The following FRMD5 variants were observed in gnomAD, a reference collection of about 807,000 sequenced individuals.
FRMD5 encodes FERM domain containing 5.
In FRMD5, 20 loss-of-function variants were observed where a neutral mutation model predicts 69.0. The observed-to-expected ratio is 0.29, with a 90% CI of 0.20 to 0.42. The LOEUF (loss-of-function observed/expected upper bound fraction) is 0.42. FRMD5 is among the 10% of genes least tolerant of loss of function. The probability of loss-of-function intolerance (pLI) is 1.00; values close to 1 mark genes in which losing one functional copy is unlikely to be tolerated. For synonymous variants in FRMD5, 271 were observed against 260.1 expected (o/e 1.04, Z -0.40); for missense variants, 595 against 708.6 (o/e 0.84, Z 1.82).
At chr15:43,945,470 T>G (rs1042510733) in intron 1 of FRMD5, among the ~76,000 whole-genome samples, 2 of 152,146 alleles carry the variant, frequency 1.3e-5, no homozygotes, top group African/African-American at 2.4e-5. Context: ...CTGAGGACAT[T>G]TCAATCTTTT....
At chr15:43,957,186 ATTTC>A (rs932278367) in intron 1 of FRMD5, among the ~76,000 whole-genome samples, 3 of 151,962 alleles carry the variant, frequency 2.0e-5, no homozygotes, top group Middle Eastern at 3.4e-3. Flanking sequence ...ATTTGTGATA[ATTTC>A]TTTCTTTCTT....
chr15:44,121,967 C>T (rs931472717), intron 1 of FRMD5, among the ~76,000 whole-genome samples: 3 of 140,018 alleles, frequency 2.1e-5, no homozygotes, highest in African/African-American at 8.3e-5. Flanking sequence ...TGCACTCCAG[C>T]CTGGGTGACA....
chr15:44,145,635 C>A (rs1362841792), intron 1 of FRMD5, among the ~76,000 whole-genome samples: 1 of 152,126 alleles, frequency 6.6e-6, no homozygotes, highest in Non-Finnish European at 1.5e-5. Context: ...AGAAACCTAA[C>A]CTTAGAAGTT....
intron 1 of FRMD5, among the ~76,000 whole-genome samples, chr15:44,010,933 G>C (rs1890689933): frequency 6.6e-6 from 1 of 152,066 alleles, no homozygotes; most frequent in Admixed American, 6.6e-5. Flanking sequence ...CACTGGGCAC[G>C]ATGAGAGAAC....
chr15:44,088,215 C>T (rs1381784452), intron 1 of FRMD5, among the ~76,000 whole-genome samples: 2 of 152,036 alleles, frequency 1.3e-5, no homozygotes, highest in Non-Finnish European at 2.9e-5. Flanking sequence ...AGTGTATTCA[C>T]AGTTATGCAA....
intron 1 of FRMD5, among the ~76,000 whole-genome samples, chr15:44,010,842 T>C (rs1044167121): frequency 2.6e-5 from 4 of 151,976 alleles, no homozygotes; most frequent in Admixed American, 6.6e-5. Flanking sequence ...GCCCTAACTG[T>C]GGGCAGAAGT....
At chr15:43,989,290 A>G in intron 1 of FRMD5, 1 of 785,640 alleles carries the variant, frequency 1.3e-6, no homozygotes. Context: ...GCCGCCAGAT[A>G]GCACTGTGTT....
At chr15:44,081,577 T>C (rs1893997546) in intron 1 of FRMD5, among the ~76,000 whole-genome samples, 1 of 152,136 alleles carries the variant, frequency 6.6e-6, no homozygotes, top group South Asian at 2.1e-4. Context: ...ATTTCACGTT[T>C]ACTGAGATCC....
At chr15:43,876,201 C>T (rs988003190) in intron 13 of FRMD5, 21 of 1,598,656 alleles carry the variant, frequency 1.3e-5, no homozygotes, top group Non-Finnish European at 1.7e-5. Flanking sequence ...GGCTGCACCC[C>T]CTTTCCCCGC....
At chr15:43,912,639 A>G (rs1239990791) in intron 4 of FRMD5, among the ~76,000 whole-genome samples, 1 of 152,026 alleles carries the variant, frequency 6.6e-6, no homozygotes, top group African/African-American at 2.4e-5. Context: ...CTGGGCAGTG[A>G]TTCTCAATGT....
chr15:44,065,721 AT>A (rs775262108), intron 1 of FRMD5, among the ~76,000 whole-genome samples: 25 of 152,228 alleles, frequency 1.6e-4, no homozygotes, highest in Non-Finnish European at 2.4e-4. Context: ...ACAGTAGTCA[AT>A]AAGCATATAA....
chr15:44,195,154 C>T lies in FRMD5; in HGVS notation c.-100G>A. 1.1e-6 allele frequency: 1 copy of T among 893,296 alleles called. No homozygotes were observed. The highest frequency in any genetic ancestry group is 1.6e-6 in the Non-Finnish European group (1 of 615,158). 55.3% of individuals were successfully genotyped at this position (893,296 alleles called of 1,614,324 possible). On this transcript the variant is annotated 5_prime_UTR_variant, in exon 1 of 14. It adds an upstream start codon to the 5' untranslated region. Transcript: ENST00000417257. ...TCCGCACCGACCCCAGGCACCTGCA[C>T]CATCACCCCGGCCCCGTCGCTGCCG... is the stretch of plus-strand genomic sequence containing the variant.
chr15:44,068,919 G>A (rs1172870651), intron 1 of FRMD5, among the ~76,000 whole-genome samples: 2 of 152,112 alleles, frequency 1.3e-5, no homozygotes, highest in Non-Finnish European at 2.9e-5. Context: ...GCAGAGTCAA[G>A]GAATGAATAG....
chr15:44,091,748 C>T (rs1047252131), intron 1 of FRMD5, among the ~76,000 whole-genome samples: 6 of 152,034 alleles, frequency 3.9e-5, no homozygotes, highest in African/African-American at 1.4e-4. Flanking sequence ...AAACTCTAGG[C>T]CAGTGCTAAC....
intron 1 of FRMD5, among the ~76,000 whole-genome samples, chr15:43,935,345 G>T (rs1257518631): frequency 1.3e-5 from 2 of 152,154 alleles, no homozygotes; most frequent in Admixed American, 6.5e-5. Flanking sequence ...TTAGCCGGGT[G>T]TGGTGGCGGG....
chr15:44,113,200 T>C (rs1280535346), intron 1 of FRMD5, among the ~76,000 whole-genome samples: 1 of 152,208 alleles, frequency 6.6e-6, no homozygotes, highest in Non-Finnish European at 1.5e-5. Flanking sequence ...AGGGTGACCC[T>C]GCTTTCCCGG....
rs1202372450 is a variant in FRMD5, at chr15:44,084,888, G to A, written c.102+110065C>T. 2.6e-5 allele frequency among the ~76,000 whole-genome samples: 4 copies of A among 152,048 alleles called. No homozygotes were observed. In the East Asian group the frequency reaches 7.7e-4, roughly 29 times the overall value. On this transcript the variant is annotated intron_variant, in intron 1 of 13. Transcript: ENST00000417257. ...ACTCAGAGGCCACCATTCCCCATGG[G>A]CAATTATAATTCTGCCAAAAGATCG...
chr15:43,892,174 TCA>T, intron 7 of FRMD5, 105 bp from the exon 8 acceptor site: 3 of 945,478 alleles, frequency 3.2e-6, no homozygotes, highest in Non-Finnish European at 5.0e-6. Context: ...TGGCAGTAGG[TCA>T]CAGAGGGAAA....
chr15:43,897,487 C>CAAAAAA (rs34243475), intron 7 of FRMD5, among the ~76,000 whole-genome samples: 1 of 16,138 alleles, frequency 6.2e-5, no homozygotes, highest in Non-Finnish European at 1.3e-4. Context: ...CACTCCATCT[C>CAAAAAA]AAAAAAAAAA....
Sources: allele counts gnomAD v4.1 joint callset (sites outside exome capture counted in the v4.1 genomes callset), GRCh38; gene constraint gnomAD v4.1.1; transcripts MANE v1.5; gene names NCBI Gene and HGNC (gene_info 2026-07-23, HGNC 2026-07-21).